Variants in SAP130 observed in about 807,000 individuals in gnomAD.
The protein encoded by SAP130 is Sin3A associated protein 130.
Under a neutral mutation model 103.2 loss-of-function variants are expected in SAP130, and 16 were observed. The observed-to-expected ratio is 0.16, with a 90% confidence interval of 0.10 to 0.24. SAP130 has a LOEUF of 0.24. SAP130 is among the 10% of genes least tolerant of loss of function. The pLI is 1.00. For synonymous variants in SAP130, 477 were observed against 497.0 expected, an observed-to-expected ratio of 0.96 and a Z score of 0.53; for missense variants, 990 against 1,359.7, an observed-to-expected ratio of 0.73 and a Z score of 4.28.
In SAP130 at chr2:127,950,256, T is replaced by A. The variant is rs771817265; in HGVS notation, c.2575A>T (p.Met859Leu). 4 of 1,614,108 alleles carry A rather than the reference T, an allele frequency of 2.5e-6. No homozygotes were observed. Among genetic ancestry groups the A allele is most frequent in the Admixed American group, 3.3e-5 (2 of 60,002 alleles). ...QHVISTEEGD[M>L]METNSTDDEK... is the part of the protein sequence containing the mutation. ...TCATCAGTGCTGTTTGTCTCCATCA[T>A]GTCACCTTCTTCTGTTGAGATCACA... Residue 859 changes from methionine to leucine, a missense_variant, in exon 17 of 21, where the codon ATG (methionine) becomes TTG (leucine). By Grantham distance (15) the Met-to-Leu change is conservative (BLOSUM62 2). Transcript: ENST00000643581.
intron 1 of SAP130, chr2:128,027,007 G>A: frequency 8.0e-7 from 1 of 1,246,024 alleles, no homozygotes; most frequent in Non-Finnish European, 1.1e-6. Flanking sequence ...AGACACCTCG[G>A]AGTGTGAGAC....
In SAP130 at chr2:127,942,313, G is replaced by C; in HGVS notation, c.3015+111C>G. The C allele has an allele frequency of 9.2e-7, 1 of 1,082,918 alleles. No homozygotes were observed. The allele number at this position is 1,082,918 out of a possible 1,614,324, so 67.1% of individuals were successfully genotyped here. A position where few individuals can be genotyped will look rare whatever the true frequency, so the allele number is the denominator to read the frequency against. On this transcript the variant is annotated intron_variant, in intron 20 of 20. Coordinates refer to ENST00000643581, the MANE Select transcript of SAP130 (RefSeq NM_001330301.2). The surrounding 1 kb of genome is among the most constrained non-coding windows in gnomAD (Gnocchi z 4.8). The stretch of plus-strand genomic sequence containing the variant: ...TTCTCAGGAGTGCAGGCTGAAGCAC[G>C]TATGTTTTTACTGAAGATATGAGGG...
At chr2:127,985,686 C>T (rs1401545063) in intron 14 of SAP130, among the ~76,000 whole-genome samples, 2 of 152,010 alleles carry the variant, frequency 1.3e-5, no homozygotes, top group East Asian at 1.9e-4. Flanking sequence ...GGGCTCCACC[C>T]CCAGCCTGTG....
rs201350172 is a variant in SAP130 at position 127,999,703 on chromosome 2, C to T, written c.1213+38G>A. The T allele has an allele frequency of 2.1e-5, 27 of 1,267,638 alleles. No homozygotes were observed. In the East Asian group the frequency reaches 5.9e-4, roughly 28 times the overall value. The allele number at this position is 1,267,638 out of a possible 1,614,324, so 78.5% of individuals were successfully genotyped here. Reference sequence around the variant, plus strand: ...GCCTAGTCTGAGGGGTTACAGCACTCCTGGTAAGCTTCTGTCCGAAGGCAG... The same window carrying T: ...GCCTAGTCTGAGGGGTTACAGCACTTCTGGTAAGCTTCTGTCCGAAGGCAG... On this transcript the variant is annotated intron_variant, in intron 10 of 20. Coordinates refer to ENST00000643581, the MANE Select transcript of SAP130 (RefSeq NM_001330301.2).
At chr2:127,999,611 GAAAAGA>G in intron 10 of SAP130, 124 bp downstream of exon 10, 2 of 445,672 alleles carry the variant, frequency 4.5e-6, no homozygotes, top group Non-Finnish European at 7.5e-6. Flanking sequence ...GAAAGAAAAA[GAAAAGA>G]AAAAAAAAAA....
At chr2:127,969,163 T>G (rs949124258) in intron 15 of SAP130, among the ~76,000 whole-genome samples, 2 of 151,922 alleles carry the variant, frequency 1.3e-5, no homozygotes, top group African/African-American at 2.4e-5. Flanking sequence ...GGGGTGGAGG[T>G]TGGCGGGGGG....
intron 15 of SAP130, among the ~76,000 whole-genome samples, chr2:127,973,239 TTTG>T (rs763684475): frequency 6.6e-6 from 1 of 152,158 alleles, no homozygotes; most frequent in Non-Finnish European, 1.5e-5. Context: ...TCAGAATTTT[TTTG>T]TTGTTGTGAG....
At chr2:128,016,856 T>C (rs1684824527) in intron 3 of SAP130, among the ~76,000 whole-genome samples, 1 of 152,216 alleles carries the variant, frequency 6.6e-6, no homozygotes, top group African/African-American at 2.4e-5. Context: ...TACATGATGC[T>C]GCCTCCCAAG....
chr2:128,023,646 G>A (rs1685298258), intron 2 of SAP130, among the ~76,000 whole-genome samples: 1 of 152,108 alleles, frequency 6.6e-6, no homozygotes, highest in African/African-American at 2.4e-5. Flanking sequence ...CGGGCACGGT[G>A]GTGGGCGCCT....
intron 6 of SAP130, 54 bp downstream of exon 6, chr2:128,012,976 G>A: frequency 6.5e-7 from 1 of 1,529,216 alleles, no homozygotes; most frequent in Non-Finnish European, 8.8e-7. Context: ...CCTAGTGCCT[G>A]GCAGAATGAA....
rs1005684170 is a variant in SAP130, at chr2:127,958,626, T to C, written c.2064-3282A>G. On this transcript the variant is annotated intron_variant, in intron 15 of 20. Coordinates refer to ENST00000643581, the MANE Select transcript of SAP130 (RefSeq NM_001330301.2). ...ACTCTCTCTCTCATATATATGAGAG[T>C]GAGACAGATGAGAGAGAGAGAGAGA... Among the ~76,000 whole-genome samples, 3 of 127,754 alleles carry C rather than the reference T, an allele frequency of 2.3e-5. No homozygotes were observed. The South Asian group carries it at 7.7e-4, about 33-fold the overall frequency. The allele number at this position is 127,754 out of a possible 152,430, so 83.8% of individuals were successfully genotyped here.
At chr2:127,958,773 T>C (rs1296886697) in intron 15 of SAP130, among the ~76,000 whole-genome samples, 2 of 151,720 alleles carry the variant, frequency 1.3e-5, no homozygotes, top group Admixed American at 6.6e-5. Context: ...GTGATCCTCC[T>C]GCCTGAACCT....
At chr2:127,994,287 T>C (rs1209673220) in intron 11 of SAP130, among the ~76,000 whole-genome samples, 2 of 152,240 alleles carry the variant, frequency 1.3e-5, no homozygotes, top group East Asian at 1.9e-4. Flanking sequence ...TCCTAGCACT[T>C]TGGGAGACTG....
chr2:128,016,659 G>A (rs1032035569), intron 3 of SAP130, 112 bp from the exon 4 acceptor site: 19 of 1,163,122 alleles, frequency 1.6e-5, no homozygotes, highest in African/African-American at 7.7e-5. Flanking sequence ...GAAAGATGCC[G>A]TAAGCTTTAT....
intron 1 of SAP130, 56 bp from the exon 2 acceptor site, chr2:128,026,354 T>C (rs1196685758): frequency 1.6e-6 from 2 of 1,279,652 alleles, no homozygotes; most frequent in African/African-American, 1.5e-5. Context: ...GAATCAATAC[T>C]GAGAAATTAA....
rs546512070 is a variant in SAP130, at chr2:127,960,445, T to C, written c.2064-5101A>G. ...ACAGAGATCTGACAGGTTTAACTCA[T>C]TGAGAGCAGTTCTGTAGGTTTGGTG... On this transcript the variant is annotated intron_variant, in intron 15 of 20. Coordinates refer to ENST00000643581, the MANE Select transcript of SAP130 (RefSeq NM_001330301.2). Among the ~76,000 whole-genome samples, 52 of 152,276 alleles carry C rather than the reference T, an allele frequency of 3.4e-4. 1 individual carries two copies. The South Asian group carries it at 7.5e-3, about 22-fold the overall frequency.
intron 16 of SAP130, among the ~76,000 whole-genome samples, chr2:127,951,398 A>G (rs555795928): frequency 2.8e-4 from 42 of 152,134 alleles, no homozygotes; most frequent in African/African-American, 1.0e-3. Context: ...CTTTCCTGTC[A>G]CCATTAAATA....
intron 2 of SAP130, among the ~76,000 whole-genome samples, chr2:128,025,788 T>C (rs895338669): frequency 3.3e-5 from 5 of 152,142 alleles, no homozygotes; most frequent in African/African-American, 4.8e-5. Context: ...ACAGACACCA[T>C]AGGGAAACCG....
chr2:128,024,714 GA>G (rs34945052), intron 2 of SAP130, among the ~76,000 whole-genome samples: 1,945 of 128,956 alleles, frequency 0.015, 17 homozygotes, highest in African/African-American at 0.029. Flanking sequence ...CTAAAAATGC[GA>G]AAAAAAAAAA....
Sources: gnomAD v4.1 joint callset for allele counts (sites outside exome capture counted in the v4.1 genomes callset) on GRCh38, gnomAD v4.1.1 for gene constraint, Gnocchi (gnomAD v3.1) non-coding constraint, MANE v1.5 for transcripts, NCBI Gene and HGNC (gene_info 2026-07-23, HGNC 2026-07-21) for gene names.